PCDHGB4: variants seen among roughly 807,000 people sequenced by gnomAD.
PCDHGB4 encodes the protein protocadherin gamma subfamily B, 4.
In PCDHGB4, 38 loss-of-function variants were observed where a neutral mutation model predicts 60.5. The observed-to-expected ratio is 0.63, with a 90% CI of 0.48 to 0.82. PCDHGB4 has a LOEUF of 0.82. Ranked by LOEUF, PCDHGB4 falls within the 40% of genes least tolerant of loss-of-function variation. PCDHGB4 has a pLI of 0.00. For synonymous variants in PCDHGB4, 456 were observed against 509.7 expected (o/e 0.89, Z 1.42); for missense variants, 1,109 against 1,209.6 (o/e 0.92, Z 1.23).
At position 141,432,651 on chromosome 5, in the gene PCDHGB4, C is replaced by A; in HGVS notation, c.2397+42370C>A. 2.5e-6 allele frequency: 4 copies of A among 1,613,824 alleles called. No individual in the cohort carries two copies. The highest frequency in any genetic ancestry group is 1.1e-5 in the South Asian group (1 of 91,058). ...ACGGGCGAGGTGCGCACGGCGCGAG[C>A]CCTGCTGGACAGAGACGCGCTCAAG... On this transcript the variant is annotated intron_variant, in intron 1 of 3. Coordinates refer to ENST00000519479, the MANE Select transcript of PCDHGB4 (RefSeq NM_003736.4). This position sits in a 1 kb window ranked among gnomAD's most constrained non-coding sequence, Gnocchi z 6.0.
rs2099426122 is a variant in PCDHGB4 at position 141,477,960 on chromosome 5, A to C, written c.2398-16847A>C. On this transcript the variant is annotated intron_variant, in intron 1 of 3. Coordinates refer to ENST00000519479, the MANE Select transcript of PCDHGB4 (RefSeq NM_003736.4). This position sits in a 1 kb window ranked among gnomAD's most constrained non-coding sequence, Gnocchi z 4.9. ...TCCTACAGTCTCTTGGGATCCCCTAACCAGAGCCTTTTTGCCATAGGGCTG... is the reference window on the plus strand; with the variant it reads ...TCCTACAGTCTCTTGGGATCCCCTACCCAGAGCCTTTTTGCCATAGGGCTG... 1 of 1,613,952 alleles carries C rather than the reference A, an allele frequency of 6.2e-7. No individual in the cohort carries two copies. Among genetic ancestry groups the C allele is most frequent in the African/African-American group, 1.3e-5 (1 of 74,922 alleles).
At chr5:141,445,524 TA>T (rs1180348783) in intron 1 of PCDHGB4, among the ~76,000 whole-genome samples, 1 of 152,192 alleles carries the variant, frequency 6.6e-6, no homozygotes, top group Admixed American at 6.5e-5. Flanking sequence ...ACAGGTCTGA[TA>T]AAAGCCAACA....
chr5:141,477,275 G>C lies in PCDHGB4; in HGVS notation c.2398-17532G>C, dbSNP rs1241603826. On this transcript the variant is annotated intron_variant, in intron 1 of 3. Transcript: ENST00000519479. This position sits in a 1 kb window ranked among gnomAD's most constrained non-coding sequence, Gnocchi z 4.9. ...CCTGGATGCTGGCGAGAACGGGCTG[G>C]TGACCTGCGAAGTTCCACCGGGTCT... The C allele has an allele frequency of 2.5e-6, 4 of 1,614,198 alleles. No individual in the cohort carries two copies. The South Asian group carries it at 4.4e-5, about 18-fold the overall frequency.
intron 1 of PCDHGB4, among the ~76,000 whole-genome samples, chr5:141,465,276 C>A (rs558169180): frequency 6.6e-6 from 1 of 152,254 alleles, no homozygotes; most frequent in South Asian, 2.1e-4. Context: ...CCATTTAGTT[C>A]ACCCCTAAAG....
Position 141,432,058 on chromosome 5 carries a change from C to T in PCDHGB4, c.2397+41777C>T, listed in dbSNP as rs2097444209. On this transcript the variant is annotated intron_variant, in intron 1 of 3. Coordinates refer to ENST00000519479, the MANE Select transcript of PCDHGB4 (RefSeq NM_003736.4). The surrounding 1 kb of genome is among the most constrained non-coding windows in gnomAD (Gnocchi z 6.0). ...CTGACCGGGGAACCCCGCCCCTATC[C>T]ACGGAAACTCATATCTCGCTGAACG... 1 of 1,614,210 alleles carries T rather than the reference C, an allele frequency of 6.2e-7. No individual in the cohort carries two copies.
At position 141,477,862 on chromosome 5, in the gene PCDHGB4, A is replaced by AGGT. The variant is rs753168325; in HGVS notation, c.2398-16944_2398-16942dup. 2.1e-5 allele frequency: 34 copies of AGGT among 1,613,138 alleles called. No individual in the cohort carries two copies. Among genetic ancestry groups the AGGT allele is most frequent in the Non-Finnish European group, 2.5e-5 (29 of 1,179,720 alleles). ...GGAGCTCGGTGGAGATGCTGCCTCG[A>AGGT]GGTACCTCAGCTGGCCACCTAGTGT... is the stretch of plus-strand genomic sequence containing the variant. On this transcript the variant is annotated intron_variant, in intron 1 of 3. Transcript: ENST00000519479. The surrounding 1 kb of genome is among the most constrained non-coding windows in gnomAD (Gnocchi z 4.9).
chr5:141,476,196 A>G lies in PCDHGB4; in HGVS notation c.2398-18611A>G, dbSNP rs2099386612. The G allele has an allele frequency of 6.2e-7, 1 of 1,613,852 alleles. No individual in the cohort carries two copies. Among genetic ancestry groups the G allele is most frequent in the South Asian group, 1.1e-5 (1 of 91,074 alleles). ...GTTTTGCTTCTGCTTGGTGCCTTGA[A>G]CAAGGCTTCCACGGTCATTCACTAT... On this transcript the variant is annotated intron_variant, in intron 1 of 3. Coordinates refer to ENST00000519479, the MANE Select transcript of PCDHGB4 (RefSeq NM_003736.4). This position sits in a 1 kb window ranked among gnomAD's most constrained non-coding sequence, Gnocchi z 7.6.
intron 2 of PCDHGB4, among the ~76,000 whole-genome samples, chr5:141,503,334 C>T (rs2099819255): frequency 6.6e-6 from 1 of 152,072 alleles, no homozygotes; most frequent in Admixed American, 6.6e-5. Context: ...CGGTGGCTCA[C>T]GCCTGTAATT....
rs548074156 is a variant in PCDHGB4 at position 141,511,069 on chromosome 5, G to A, written c.2668G>A (p.Gly890Ser). The A allele has an allele frequency of 6.2e-7, 1 of 1,614,230 alleles. No individual in the cohort carries two copies. Among genetic ancestry groups the A allele is most frequent in the Non-Finnish European group, 8.5e-7 (1 of 1,180,034 alleles). ...CTACCGCCAGAATGTCTACATCCCA[G>A]GCAGCAATGCCACACTGACCAACGC... ...PDYRQNVYIP[G>S]SNATLTNAAG... The change falls in exon 4 of 4, where the codon GGC becomes AGC. Residue 890 changes from glycine (G) to serine (S), a missense_variant. Physicochemically the swap from Gly to Ser is moderately conservative, Grantham distance 56 (BLOSUM62 0). Transcript: ENST00000519479.
At position 141,438,243 on chromosome 5, in the gene PCDHGB4, A is replaced by C. The variant is rs1445738408; in HGVS notation, c.2397+47962A>C. ...TGGTTCAGGAAAATGTTTTTAAAAA[A>C]CTGTCATTGAAGAGACCATAGAATC... On this transcript the variant is annotated intron_variant, in intron 1 of 3. Coordinates refer to ENST00000519479, the MANE Select transcript of PCDHGB4 (RefSeq NM_003736.4). Among the ~76,000 whole-genome samples, 3 of 152,250 alleles carry C rather than the reference A, an allele frequency of 2.0e-5. No individual in the cohort carries two copies. In the East Asian group the frequency reaches 5.8e-4, roughly 29 times the overall value.
Position 141,419,652 on chromosome 5 carries a change from C to T in PCDHGB4, c.2397+29371C>T, listed in dbSNP as rs563445438. 15 of 1,612,592 alleles carry T rather than the reference C, an allele frequency of 9.3e-6. 1 individual carries two copies. In the Admixed American group the frequency reaches 1.3e-4, roughly 14 times the overall value. On this transcript the variant is annotated intron_variant, in intron 1 of 3. Transcript: ENST00000519479. ...AAGGTGGTGGCCGTGGACGCGGACT[C>T]GGGGCACAATGCCTGGCTGTCCTAC... is the stretch of plus-strand genomic sequence containing the variant.
Position 141,432,331 on chromosome 5 carries a change from G to A in PCDHGB4, c.2397+42050G>A, listed in dbSNP as rs763952193. Reference sequence around the variant, plus strand: ...CGCTGAGCTCCTTCGACTACGAGCAGTTCCGAGACTTGCAAGTGAAAGTGA... The same window carrying A: ...CGCTGAGCTCCTTCGACTACGAGCAATTCCGAGACTTGCAAGTGAAAGTGA... On this transcript the variant is annotated intron_variant, in intron 1 of 3. Transcript: ENST00000519479. The surrounding 1 kb of genome is among the most constrained non-coding windows in gnomAD (Gnocchi z 6.0). The A allele has an allele frequency of 1.2e-6, 2 of 1,614,278 alleles. No individual in the cohort carries two copies. Among genetic ancestry groups the A allele is most frequent in the East Asian group, 2.2e-5 (1 of 44,888 alleles).
In PCDHGB4 at chr5:141,432,167, T is replaced by G. The variant is rs559707772; in HGVS notation, c.2397+41886T>G. The G allele has an allele frequency of 1.4e-5, 22 of 1,613,962 alleles. No homozygotes were observed. The highest frequency in any genetic ancestry group is 9.3e-5 in the African/African-American group (7 of 74,972). On this transcript the variant is annotated intron_variant, in intron 1 of 3. Coordinates refer to ENST00000519479, the MANE Select transcript of PCDHGB4 (RefSeq NM_003736.4). The surrounding 1 kb of genome is among the most constrained non-coding windows in gnomAD (Gnocchi z 6.0). Reference sequence around the variant, plus strand: ...CCCAGAGAACAATCCCAGAGGAGTTTCCCTCGTCTCTGTGACCGCCCACGA... The same window carrying G: ...CCCAGAGAACAATCCCAGAGGAGTTGCCCTCGTCTCTGTGACCGCCCACGA...
In PCDHGB4 at chr5:141,486,407, C is replaced by A; in HGVS notation, c.2398-8400C>A. The A allele has an allele frequency of 6.2e-7, 1 of 1,614,134 alleles. No homozygotes were observed. The highest frequency in any genetic ancestry group is 8.5e-7 in the Non-Finnish European group (1 of 1,180,000). On this transcript the variant is annotated intron_variant, in intron 1 of 3. Transcript: ENST00000519479. This position sits in a 1 kb window ranked among gnomAD's most constrained non-coding sequence, Gnocchi z 5.0. Reference sequence around the variant, plus strand: ...CCAGTTCTCCCTGGTGACTGCTGGACCCTTGGATCGAGAGGCCAAATCTAG... The same window carrying A: ...CCAGTTCTCCCTGGTGACTGCTGGAACCTTGGATCGAGAGGCCAAATCTAG...
intron 1 of PCDHGB4, 146 bp from the exon 2 acceptor site, chr5:141,494,661 G>C (rs2099755951): frequency 6.7e-7 from 1 of 1,492,856 alleles, no homozygotes; most frequent in African/African-American, 1.4e-5. Context: ...TTTGTCTTTG[G>C]AGATGAGTCC....
rs200109598 is a variant in PCDHGB4 at position 141,388,741 on chromosome 5, A to C, written c.857A>C (p.Gln286Pro). The part of the protein sequence containing the change: ...EITFSFSEAS[Q>P]ITQFDLNSNT... ...ACTTTCTCTTTCAGTGAAGCTAGCC[A>C]GATCACCCAATTTGACCTGAACTCT... is the stretch of plus-strand genomic sequence containing the variant. The change falls in exon 1 of 4, where the codon CAG becomes CCG. Residue 286 changes from glutamine to proline, a missense_variant. Transcript: ENST00000519479. The C allele has an allele frequency of 1.3e-4, 203 of 1,613,906 alleles. No individual in the cohort carries two copies. The highest frequency in any genetic ancestry group is 1.7e-4 in the Non-Finnish European group (198 of 1,179,898).
intron 3 of PCDHGB4, among the ~76,000 whole-genome samples, chr5:141,508,579 G>A (rs569867127): frequency 6.6e-6 from 1 of 152,234 alleles, no homozygotes; most frequent in East Asian, 1.9e-4. Flanking sequence ...ACCCACTCGG[G>A]GTGCTACTCA....
chr5:141,431,582 G>A lies in PCDHGB4; in HGVS notation c.2397+41301G>A. On this transcript the variant is annotated intron_variant, in intron 1 of 3. Coordinates refer to ENST00000519479, the MANE Select transcript of PCDHGB4 (RefSeq NM_003736.4). The surrounding 1 kb of genome is among the most constrained non-coding windows in gnomAD (Gnocchi z 4.8). Reference sequence around the variant, plus strand: ...TACCGACCCTGACGAAGGAGTCAATGCGGAAGTGAGGTATTCCTTCCGGTA... The same window carrying A: ...TACCGACCCTGACGAAGGAGTCAATACGGAAGTGAGGTATTCCTTCCGGTA... The A allele has an allele frequency of 6.2e-7, 1 of 1,614,210 alleles. No homozygotes were observed. Among genetic ancestry groups the A allele is most frequent in the Non-Finnish European group, 8.5e-7 (1 of 1,180,036 alleles).
chr5:141,418,941 C>T, intron 1 of PCDHGB4: 1 of 1,614,034 alleles, frequency 6.2e-7, no homozygotes, highest in Non-Finnish European at 8.5e-7. Context: ...GAGGATTCCC[C>T]TCCAGGAGTG....
Sources: gnomAD v4.1 joint callset for allele counts (sites outside exome capture counted in the v4.1 genomes callset) on GRCh38, gnomAD v4.1.1 for gene constraint, Gnocchi (gnomAD v3.1) non-coding constraint, MANE v1.5 for transcripts, NCBI Gene and HGNC (gene_info 2026-07-23, HGNC 2026-07-21) for gene names.